TSHZ1: variants seen among roughly 807,000 people sequenced by gnomAD.
TSHZ1 encodes the protein teashirt zinc finger homeobox 1, also known as teashirt homolog 1.
TSHZ1 carries 12 observed loss-of-function variants against 67.1 expected under a neutral mutation model. The observed-to-expected ratio is 0.18, with a 90% CI of 0.11 to 0.29. TSHZ1 has a LOEUF of 0.29. Ranked by LOEUF, TSHZ1 falls within the 10% of genes least tolerant of loss-of-function variation. The pLI, the probability that TSHZ1 is intolerant of heterozygous loss-of-function variation, is 1.00. For synonymous variants in TSHZ1, 632 were observed against 622.4 expected, an observed-to-expected ratio of 1.02 and a Z score of -0.23; for missense variants, 1,305 against 1,413.9, an observed-to-expected ratio of 0.92 and a Z score of 1.23.
chr18:75,287,117 G>C lies in TSHZ1; in HGVS notation c.1710G>C (p.Ala570=). ...CCATTAGCAAAGCTCAGAATGGTGC[G>C]CCCTCATGGGGTGGCTACCCCAGCA... The part of the protein sequence containing the change: ...STAISKAQNG[A]PSWGGYPSIH... Residue 570 remains alanine (A), a synonymous_variant, in exon 2 of 2, where the codon GCG becomes GCC. Transcript: ENST00000580243. This position sits in a 1 kb window ranked among gnomAD's most constrained non-coding sequence, Gnocchi z 5.0. 1 of 1,614,086 alleles carries C rather than the reference G, an allele frequency of 6.2e-7. No homozygotes were observed. Among genetic ancestry groups the C allele is most frequent in the Non-Finnish European group, 8.5e-7 (1 of 1,180,018 alleles).
At position 75,251,296 on chromosome 18, in the gene TSHZ1, C is replaced by A. The variant is rs2122567533; in HGVS notation, c.41-34152C>A. Among the ~76,000 whole-genome samples the A allele has an allele frequency of 1.3e-5, 2 of 152,066 alleles. 1 individual carries two copies. ...AAGCATTATTCAAGATCCTCCTACCCCAATGTAGCTTACTGTGAACATTCT... is the reference window on the plus strand; with the variant it reads ...AAGCATTATTCAAGATCCTCCTACCACAATGTAGCTTACTGTGAACATTCT... On this transcript the variant is annotated intron_variant, in intron 1 of 1. Coordinates refer to ENST00000580243, the MANE Select transcript of TSHZ1 (RefSeq NM_001308210.2).
At chr18:75,263,326 A>C (rs1398507578) in intron 1 of TSHZ1, among the ~76,000 whole-genome samples, 1 of 152,172 alleles carries the variant, frequency 6.6e-6, no homozygotes, top group Non-Finnish European at 1.5e-5. Flanking sequence ...ACTTCCATTT[A>C]CATCACTACC....
chr18:75,265,975 G>A (rs1740956101), intron 1 of TSHZ1, among the ~76,000 whole-genome samples: 1 of 152,206 alleles, frequency 6.6e-6, no homozygotes, highest in South Asian at 2.1e-4. Flanking sequence ...GAGCCTTCTA[G>A]CCTGAGGAAA....
At chr18:75,238,423 A>C (rs114338907) in intron 1 of TSHZ1, among the ~76,000 whole-genome samples, 6 of 152,302 alleles carry the variant, frequency 3.9e-5, no homozygotes, top group Non-Finnish European at 8.8e-5. Context: ...AGAATTGGCA[A>C]ACTGGGACAT....
chr18:75,251,493 G>GTT (rs3067027), intron 1 of TSHZ1, among the ~76,000 whole-genome samples: 2,305 of 139,392 alleles, frequency 0.017, 46 homozygotes, highest in Middle Eastern at 0.037. Flanking sequence ...TTTCTTTAGG[G>GTT]TTTTTTTTTT....
chr18:75,268,668 C>A (rs528809491), intron 1 of TSHZ1, among the ~76,000 whole-genome samples: 1 of 152,204 alleles, frequency 6.6e-6, no homozygotes, highest in Non-Finnish European at 1.5e-5. Context: ...CCTCCTCCCC[C>A]TCCCCAAAAA....
chr18:75,246,351 G>A (rs1220734420), intron 1 of TSHZ1, among the ~76,000 whole-genome samples: 7 of 150,176 alleles, frequency 4.7e-5, no homozygotes. Context: ...TGGGGATGAC[G>A]ATGGGGGCCT....
Position 75,211,805 on chromosome 18 carries a change from C to CG in TSHZ1, c.-72_-71insG. On this transcript the variant is annotated 5_prime_UTR_variant, in exon 1 of 2. An upstream open reading frame in the 5' UTR loses its in-frame stop. Coordinates refer to ENST00000580243, the MANE Select transcript of TSHZ1 (RefSeq NM_001308210.2). ...GCGCGCCGCGGAGTTGCGCCCGCGC[C>CG]CGGGGCCCCGCGTCCCCGCGCCCCG... is the stretch of plus-strand genomic sequence containing the variant. 9.9e-7 allele frequency: 1 copy of CG among 1,008,826 alleles called. No individual in the cohort carries two copies. 62.5% of individuals were successfully genotyped at this position (1,008,826 alleles called of 1,614,324 possible).
At chr18:75,237,753 C>T (rs1189070434) in intron 1 of TSHZ1, among the ~76,000 whole-genome samples, 2 of 151,924 alleles carry the variant, frequency 1.3e-5, no homozygotes, top group Non-Finnish European at 2.9e-5. Flanking sequence ...ACTCACCATG[C>T]GTCTCATTTA....
chr18:75,247,350 C>G (rs532509653), intron 1 of TSHZ1, among the ~76,000 whole-genome samples: 17 of 152,302 alleles, frequency 1.1e-4, no homozygotes, highest in African/African-American at 4.1e-4. Flanking sequence ...CCTCTTCTCT[C>G]AGTGAGTGGA....
At chr18:75,231,683 C>T (rs1278600251) in intron 1 of TSHZ1, among the ~76,000 whole-genome samples, 4 of 151,414 alleles carry the variant, frequency 2.6e-5, no homozygotes, top group Non-Finnish European at 5.9e-5. Context: ...TACAGGCACC[C>T]ACCACCACAC....
intron 1 of TSHZ1, among the ~76,000 whole-genome samples, chr18:75,269,387 C>G (rs1174347678): frequency 6.6e-6 from 1 of 152,088 alleles, no homozygotes; most frequent in African/African-American, 2.4e-5. Context: ...CCTGGCCCAG[C>G]AGGAAGACAG....
intron 1 of TSHZ1, among the ~76,000 whole-genome samples, chr18:75,222,747 A>G (rs1051793947): frequency 3.3e-5 from 5 of 152,104 alleles, no homozygotes; most frequent in Non-Finnish European, 7.4e-5. Context: ...TTTTTTGTGG[A>G]GACACATTCG....
In TSHZ1 at chr18:75,285,992, C is replaced by A. The variant is rs146992796; in HGVS notation, c.585C>A (p.Ser195=). The A allele has an allele frequency of 1.0e-5, 16 of 1,603,420 alleles. No individual in the cohort carries two copies. The highest frequency in any genetic ancestry group is 2.3e-5 in the East Asian group (1 of 44,252). ...HSSTTSTSSS[S]GYDWHQAALA... ...GTACCACCAGTACCAGCAGCAGCTC[C>A]GGGTACGACTGGCACCAGGCTGCAC... Residue 195 remains serine (S), a synonymous_variant, in exon 2 of 2, where the codon TCC becomes TCA. Transcript: ENST00000580243.
At chr18:75,271,721 G>T (rs750284507) in intron 1 of TSHZ1, among the ~76,000 whole-genome samples, 1 of 149,818 alleles carries the variant, frequency 6.7e-6, no homozygotes, top group Non-Finnish European at 1.5e-5. Flanking sequence ...TTTTCTTGCC[G>T]CTCCCCCCTC....
At position 75,211,433 on chromosome 18, in the gene TSHZ1, ACT is replaced by A. The variant is rs2022682181; in HGVS notation, c.-440_-439del. 2.0e-5 allele frequency: 3 copies of A among 150,114 alleles called. No homozygotes were observed. The highest frequency in any genetic ancestry group is 2.0e-4 in the East Asian group (1 of 5,042). 9.3% of individuals were successfully genotyped at this position (150,114 alleles called of 1,614,324 possible). A position where few individuals can be genotyped will look rare whatever the true frequency, so the allele number is the denominator to read the frequency against. Reference sequence around the variant, plus strand: ...GGGGGAGAGAAAGTTGCGCTCGGCGACTCTCGGCTCGCGGAAGAAGGCGCAGG... The same window carrying A: ...GGGGGAGAGAAAGTTGCGCTCGGCGACTCGGCTCGCGGAAGAAGGCGCAGG... On this transcript the variant is annotated 5_prime_UTR_variant, in exon 1 of 2. Transcript: ENST00000580243.
intron 1 of TSHZ1, among the ~76,000 whole-genome samples, chr18:75,216,207 C>T (rs1403399613): frequency 1.3e-5 from 2 of 152,150 alleles, no homozygotes; most frequent in African/African-American, 4.8e-5. Flanking sequence ...ATTTCCTACT[C>T]ACTGCATCTC....
At chr18:75,270,661 G>T (rs1362412789) in intron 1 of TSHZ1, among the ~76,000 whole-genome samples, 1 of 152,174 alleles carries the variant, frequency 6.6e-6, no homozygotes, top group Non-Finnish European at 1.5e-5. Context: ...TCTACAGAGA[G>T]TATATTTGCA....
chr18:75,261,260 T>C (rs2023427212), intron 1 of TSHZ1, among the ~76,000 whole-genome samples: 1 of 152,202 alleles, frequency 6.6e-6, no homozygotes, highest in South Asian at 2.1e-4. Flanking sequence ...ACTTGCTGTC[T>C]AACTCTGCCA....
Sources: allele counts gnomAD v4.1 joint callset (sites outside exome capture counted in the v4.1 genomes callset), GRCh38; gene constraint gnomAD v4.1.1; non-coding constraint Gnocchi (gnomAD v3.1); transcripts MANE v1.5; gene names NCBI Gene and HGNC (gene_info 2026-07-23, HGNC 2026-07-21).